Variants in API5 observed in about 807,000 individuals in gnomAD.
API5 encodes the protein FIF.
API5 carries 6 observed loss-of-function variants against 71.9 expected under a neutral mutation model. The ratio of observed to expected loss-of-function variants is 0.08; its 90% CI spans 0.05 to 0.16. The LOEUF (loss-of-function observed/expected upper bound fraction) is 0.16, where lower values mean the gene tolerates loss of function less well. Ranked by LOEUF, API5 falls within the 10% of genes least tolerant of loss-of-function variation. API5 has a pLI of 1.00. For missense variants in API5, 332 were observed against 612.8 expected (o/e 0.54, Z 4.84); for synonymous variants, 189 against 221.3 (o/e 0.85, Z 1.30).
chr11:43,320,190 C>T (rs1208773216), intron 2 of API5, among the ~76,000 whole-genome samples: 7 of 151,646 alleles, frequency 4.6e-5, no homozygotes, highest in Admixed American at 6.6e-5. Context: ...GGACTATAGG[C>T]GTGTGCCACC....
chr11:43,329,215 C>A (rs1855170711), intron 9 of API5: 3 of 223,434 alleles, frequency 1.3e-5, no homozygotes, highest in Non-Finnish European at 9.0e-6. Flanking sequence ...AGTGTGGTAA[C>A]ACACCAGTAG....
chr11:43,341,100 A>G (rs1398068282), intron 13 of API5, among the ~76,000 whole-genome samples: 3 of 152,238 alleles, frequency 2.0e-5, no homozygotes, highest in African/African-American at 4.8e-5. Flanking sequence ...TAGATTAAAA[A>G]TGGGCAAATC....
Position 43,318,799 on chromosome 11 carries a change from T to A in API5, c.229T>A (p.Ser77Thr). 6.2e-7 allele frequency: 1 copy of A among 1,611,256 alleles called. No homozygotes were observed. The highest frequency in any genetic ancestry group is 8.5e-7 in the Non-Finnish European group (1 of 1,179,178). Residue 77 changes from serine (S) to threonine (T), a missense_variant and splice_region_variant, in exon 2 of 14, where the codon TCT becomes ACT. Coordinates refer to ENST00000531273, the MANE Select transcript of API5 (RefSeq NM_001142930.2). ...QLDLCEDEDV[S>T]IRRQAIKELP... The stretch of plus-strand genomic sequence containing the variant: ...AGACCTCTGTGAGGATGAAGATGTA[T>A]CTGTAAGTTTATGAATGACACTTCA...
intron 6 of API5, among the ~76,000 whole-genome samples, chr11:43,324,293 C>G (rs1187081901): frequency 6.6e-6 from 1 of 152,130 alleles, no homozygotes; most frequent in Non-Finnish European, 1.5e-5. Flanking sequence ...GCTGGGATTA[C>G]AGGTGTGAGC....
In API5 at chr11:43,312,031, T is replaced by A; in HGVS notation, c.-97T>A. The A allele has an allele frequency of 7.3e-7, 1 of 1,376,476 alleles. No individual in the cohort carries two copies. Among genetic ancestry groups the A allele is most frequent in the Non-Finnish European group, 1.0e-6 (1 of 987,558 alleles). The allele number at this position is 1,376,476 out of a possible 1,614,324, so 85.3% of individuals were successfully genotyped here. Reference sequence around the variant, plus strand: ...GCTGCACTGGCGGCAGCTGGAGGTGTAATAGTGCGGGTAGTGGGTTTGGAG... The same window carrying A: ...GCTGCACTGGCGGCAGCTGGAGGTGAAATAGTGCGGGTAGTGGGTTTGGAG... On this transcript the variant is annotated 5_prime_UTR_variant, in exon 1 of 14. Coordinates refer to ENST00000531273, the MANE Select transcript of API5 (RefSeq NM_001142930.2).
intron 1 of API5, chr11:43,318,275 C>G: frequency 2.7e-6 from 2 of 741,182 alleles, no homozygotes; most frequent in Non-Finnish European, 4.4e-6. Flanking sequence ...TCCCAAGGTG[C>G]TGGGATTACA....
At position 43,326,407 on chromosome 11, in the gene API5, T is replaced by C. The variant is rs878896105; in HGVS notation, c.751-100T>C. On this transcript the variant is annotated intron_variant, in intron 6 of 13. Transcript: ENST00000531273. ...TATATCGTATTTGTAGTCAGAATAC[T>C]TGATGCTGTAGCGCTCAGCATTTAT... The C allele has an allele frequency of 4.0e-6, 3 of 748,088 alleles. No homozygotes were observed. In the South Asian group the frequency reaches 5.3e-5, roughly 13 times the overall value. 46.3% of individuals were successfully genotyped at this position (748,088 alleles called of 1,614,324 possible).
At chr11:43,313,597 T>A (rs566334191) in intron 1 of API5, among the ~76,000 whole-genome samples, 6 of 151,960 alleles carry the variant, frequency 3.9e-5, no homozygotes, top group African/African-American at 7.2e-5. Flanking sequence ...AAAAAAAAAA[T>A]TTCATGTTGG....
In API5 at chr11:43,335,272, C is replaced by T. The variant is rs746986657; in HGVS notation, c.1279-6C>T. 6.3e-7 allele frequency: 1 copy of T among 1,597,492 alleles called. No individual in the cohort carries two copies. The highest frequency in any genetic ancestry group is 1.1e-5 in the South Asian group (1 of 90,654). ...TAGAATTCTTGCCTGATTTCTGTCT[C>T]TGCAGGATCTCTTCCACATTCCTCC... On this transcript the variant is annotated splice_region_variant and splice_polypyrimidine_tract_variant and intron_variant, in intron 11 of 13. Transcript: ENST00000531273.
At chr11:43,329,822 C>T in intron 9 of API5, 143 bp from the exon 10 acceptor site, 1 of 647,644 alleles carries the variant, frequency 1.5e-6, no homozygotes, top group Non-Finnish European at 2.6e-6. Flanking sequence ...TAATCAGAAA[C>T]AAGCAACTTA....
At chr11:43,316,867 A>G (rs1289505056) in intron 1 of API5, among the ~76,000 whole-genome samples, 2 of 152,188 alleles carry the variant, frequency 1.3e-5, no homozygotes, top group Non-Finnish European at 2.9e-5. Flanking sequence ...TTTATAATAC[A>G]CTTTTCAGTG....
intron 4 of API5, 50 bp from the exon 5 acceptor site, chr11:43,321,935 C>G (rs377026354): frequency 1.4e-5 from 22 of 1,543,080 alleles, no homozygotes; most frequent in Non-Finnish European, 1.9e-5. Flanking sequence ...TGGGAAAACA[C>G]CATTACACTA....
intron 13 of API5, among the ~76,000 whole-genome samples, chr11:43,342,005 CATG>C (rs1227321818): frequency 4.0e-5 from 6 of 151,654 alleles, no homozygotes; most frequent in South Asian, 2.1e-4. Flanking sequence ...AATAGCCAAA[CATG>C]GTGGTGTGCA....
intron 5 of API5, 125 bp downstream of exon 5, chr11:43,322,261 C>T (rs1389986757): frequency 3.3e-6 from 3 of 899,976 alleles, no homozygotes; most frequent in Non-Finnish European, 4.6e-6. Flanking sequence ...CCCATTGGAA[C>T]CACCATAGAA....
At chr11:43,335,542 G>T (rs574570863) in intron 12 of API5, among the ~76,000 whole-genome samples, 188 bp downstream of exon 12, 1 of 152,256 alleles carries the variant, frequency 6.6e-6, no homozygotes, top group East Asian at 1.9e-4. Context: ...AGGCAACGCT[G>T]GAACTTTCAG....
intron 4 of API5, 75 bp downstream of exon 4, chr11:43,321,551 TA>T: frequency 1.6e-6 from 2 of 1,216,792 alleles, no homozygotes. Context: ...TCATTAAGAA[TA>T]AACTCTAGGG....
rs549108108 is a variant in API5, at chr11:43,339,867, AGTTAT to A, written c.1493-2560_1493-2556del. Among the ~76,000 whole-genome samples the A allele has an allele frequency of 3.1e-3, 473 of 152,348 alleles. 2 individuals are homozygous for A. Among genetic ancestry groups the A allele is most frequent in the Non-Finnish European group, 5.2e-3 (354 of 68,026 alleles). ...ATTGATAATTTAAGATATTTTTCAT[AGTTAT>A]ATGAGTTACCTTTAGTAATGATAGA... On this transcript the variant is annotated intron_variant, in intron 13 of 13. Transcript: ENST00000531273.
In API5 at chr11:43,322,106, G is replaced by A. The variant is rs140654326; in HGVS notation, c.513G>A (p.Val171=). 2.7e-5 allele frequency: 43 copies of A among 1,611,810 alleles called. No homozygotes were observed. Among genetic ancestry groups the A allele is most frequent in the Non-Finnish European group, 3.4e-5 (40 of 1,179,512 alleles). Reference sequence around the variant, plus strand: ...CAGATGAAGTCTTAACAAAGGAAGTGGAAGAGCTTATACTAACTGAATCCA... The same window carrying A: ...CAGATGAAGTCTTAACAAAGGAAGTAGAAGAGCTTATACTAACTGAATCCA... ...TLPDEVLTKE[V]EELILTESKK... is the part of the protein sequence containing the mutation. The change falls in exon 5 of 14, where the codon GTG becomes GTA. Residue 171 remains valine (V), a synonymous_variant. Transcript: ENST00000531273.
chr11:43,317,712 C>T (rs116448485), intron 1 of API5, among the ~76,000 whole-genome samples: 1 of 152,326 alleles, frequency 6.6e-6, no homozygotes, highest in African/African-American at 2.4e-5. Context: ...GAGTCTCATT[C>T]TGTCACCCAA....
Sources: gnomAD v4.1 joint callset for allele counts (sites outside exome capture counted in the v4.1 genomes callset) on GRCh38, gnomAD v4.1.1 for gene constraint, MANE v1.5 for transcripts, NCBI Gene and HGNC (gene_info 2026-07-23, HGNC 2026-07-21) for gene names.